Variants in CLASP2 observed in about 807,000 individuals in gnomAD.
The protein encoded by CLASP2 is CLIP-associating protein 2.
A neutral mutation model predicts 194.4 loss-of-function variants in CLASP2; 47 were observed. The ratio of observed to expected loss-of-function variants is 0.24; its 90% CI spans 0.19 to 0.31. The LOEUF (loss-of-function observed/expected upper bound fraction) is 0.31, where lower values mean the gene tolerates loss of function less well. CLASP2 is among the 10% of genes least tolerant of loss of function. The pLI is 1.00. For synonymous variants in CLASP2, 619 were observed against 633.5 expected, an observed-to-expected ratio of 0.98 and a Z score of 0.34; for missense variants, 1,445 against 1,823.6, an observed-to-expected ratio of 0.79 and a Z score of 3.78.
chr3:33,684,430 T>C lies in CLASP2; in HGVS notation c.573A>G (p.Ile191Met), dbSNP rs781397391. 45 of 1,601,646 alleles carry C rather than the reference T, an allele frequency of 2.8e-5. No homozygotes were observed. Among genetic ancestry groups the C allele is most frequent in the Non-Finnish European group, 3.8e-5 (45 of 1,173,268 alleles). ...CTCCCACATGTCTATAAATCTCCAC[T>C]ATAGCCAATATTGCAGCATCTCTCA... is the stretch of plus-strand genomic sequence containing the variant. ...SQVRDAAILA[I>M]VEIYRHVGEK... is the part of the protein sequence containing the mutation. The change falls in exon 6 of 39, where the codon ATA (isoleucine) becomes ATG (methionine). Residue 191 changes from isoleucine (I) to methionine (M), a missense_variant. Coordinates refer to ENST00000682230, the MANE Select transcript of CLASP2 (RefSeq NM_001365631.1).
At chr3:33,583,129 A>C (rs1203569839) in intron 22 of CLASP2, among the ~76,000 whole-genome samples, 1 of 152,234 alleles carries the variant, frequency 6.6e-6, no homozygotes, top group Admixed American at 6.5e-5. Flanking sequence ...GAATCTCAAG[A>C]AGATAGCTGA....
chr3:33,543,938 C>T (rs2058759965), intron 31 of CLASP2, among the ~76,000 whole-genome samples: 1 of 152,048 alleles, frequency 6.6e-6, no homozygotes, highest in East Asian at 1.9e-4. Flanking sequence ...TATGTCTATT[C>T]TTAAGATATG....
chr3:33,581,157 A>G (rs2066045202), intron 23 of CLASP2, among the ~76,000 whole-genome samples: 1 of 152,214 alleles, frequency 6.6e-6, no homozygotes, highest in Non-Finnish European at 1.5e-5. Context: ...CTCAATGTAC[A>G]TACAAAACTG....
chr3:33,539,979 G>A (rs913487398), intron 32 of CLASP2, among the ~76,000 whole-genome samples: 9 of 150,104 alleles, frequency 6.0e-5, no homozygotes, highest in Admixed American at 6.7e-5. Flanking sequence ...GTGCAATGGC[G>A]CAACCTTGGC....
chr3:33,579,123 G>A (rs1450223585), intron 23 of CLASP2, among the ~76,000 whole-genome samples: 1 of 152,152 alleles, frequency 6.6e-6, no homozygotes, highest in Non-Finnish European at 1.5e-5. Flanking sequence ...TTGCTATGCA[G>A]TACCCATATG....
intron 23 of CLASP2, among the ~76,000 whole-genome samples, chr3:33,579,763 GA>G (rs541244695): frequency 1.3e-5 from 2 of 152,120 alleles, no homozygotes; most frequent in Non-Finnish European, 2.9e-5. Flanking sequence ...TTGTTTTATA[GA>G]TGAGGAAACT....
intron 23 of CLASP2, among the ~76,000 whole-genome samples, chr3:33,579,408 T>C (rs921463951): frequency 2.0e-5 from 3 of 152,224 alleles, no homozygotes; most frequent in African/African-American, 2.4e-5. Flanking sequence ...TCTCTAACTA[T>C]TGTACAGGTT....
At chr3:33,684,993 C>G (rs2090428640) in intron 5 of CLASP2, among the ~76,000 whole-genome samples, 1 of 144,010 alleles carries the variant, frequency 6.9e-6, no homozygotes, top group African/African-American at 2.6e-5. Flanking sequence ...CAGAGCAAGA[C>G]TCCATCTCAA....
chr3:33,559,357 T>G lies in CLASP2; in HGVS notation c.2959A>C (p.Asn987His). 1 of 1,597,312 alleles carries G rather than the reference T, an allele frequency of 6.3e-7. No homozygotes were observed. Among genetic ancestry groups the G allele is most frequent in the South Asian group, 1.1e-5 (1 of 88,214 alleles). ...RESFPNDLQF[N>H]ILMRFTVDQT... ...TCAACTGTAAATCTCATTAGAATAT[T>G]GAACTGAAGATCATTTGGAAAAGAC... Residue 987 changes from asparagine to histidine, a missense_variant, in exon 29 of 39, where the codon AAT becomes CAT. Physicochemically the swap from Asn to His is moderately conservative, Grantham distance 68. Coordinates refer to ENST00000682230, the MANE Select transcript of CLASP2 (RefSeq NM_001365631.1).
chr3:33,619,660 G>A lies in CLASP2; in HGVS notation c.1260C>T (p.Pro420=). 1.3e-6 allele frequency: 2 copies of A among 1,558,814 alleles called. No individual in the cohort carries two copies. The highest frequency in any genetic ancestry group is 2.4e-5 in the South Asian group (2 of 84,332). ...AIVPTLFNLV[P]NSAKVMATSG... is the part of the protein sequence containing the mutation. ...AAGTTGCCATGACTTTTGCACTATT[G>A]GGGACGAGATTAAAAAGTGTAGGTA... Residue 420 remains proline (P), a synonymous_variant, in exon 12 of 39, where the codon CCC becomes CCT. Transcript: ENST00000682230.
At chr3:33,692,166 C>T (rs769899874) in intron 2 of CLASP2, among the ~76,000 whole-genome samples, 17 of 151,810 alleles carry the variant, frequency 1.1e-4, no homozygotes, top group Non-Finnish European at 2.1e-4. Context: ...AAGACAGTGT[C>T]TCAAAAAAAT....
chr3:33,602,564 C>T, intron 18 of CLASP2: 2 of 763,060 alleles, frequency 2.6e-6, no homozygotes, highest in East Asian at 2.4e-5. Context: ...TTGCAGTTCT[C>T]CCAGATCTCC....
At chr3:33,556,046 G>A (rs2060862620) in intron 29 of CLASP2, among the ~76,000 whole-genome samples, 1 of 152,176 alleles carries the variant, frequency 6.6e-6, no homozygotes. Context: ...AGCTGCTAAA[G>A]GATGTGAAAT....
intron 6 of CLASP2, among the ~76,000 whole-genome samples, chr3:33,679,200 T>A: frequency 6.6e-6 from 1 of 152,050 alleles, no homozygotes; most frequent in Non-Finnish European, 1.5e-5. Context: ...AAAACATGAA[T>A]CTAGATACAG....
chr3:33,550,836 G>T (rs1183399821), intron 30 of CLASP2, among the ~76,000 whole-genome samples: 1 of 152,098 alleles, frequency 6.6e-6, no homozygotes, highest in Non-Finnish European at 1.5e-5. Flanking sequence ...CCTTAGAAAG[G>T]ATACAGAAAG....
chr3:33,534,807 A>G (rs769641656), intron 34 of CLASP2, among the ~76,000 whole-genome samples: 5 of 152,172 alleles, frequency 3.3e-5, no homozygotes, highest in Non-Finnish European at 5.9e-5. Context: ...AACTTTCCTT[A>G]TATTTCGTCC....
chr3:33,547,922 G>A (rs989869112), intron 30 of CLASP2, among the ~76,000 whole-genome samples: 1 of 151,320 alleles, frequency 6.6e-6, no homozygotes, highest in South Asian at 2.1e-4. Context: ...CTGAGTAGCT[G>A]GGACTACAGG....
chr3:33,535,391 A>C lies in CLASP2; in HGVS notation c.3629T>G (p.Leu1210Arg). The change falls in exon 34 of 39, where the codon CTT (leucine) becomes CGT (arginine). Residue 1210 changes from leucine to arginine, a missense_variant. By Grantham distance (102) the Leu-to-Arg change is moderately radical. Transcript: ENST00000682230. The part of the protein sequence containing the change: ...GDATDSSQTA[L>R]DNKASLLHSM... The stretch of plus-strand genomic sequence containing the variant: ...ATGGAGCAATGAAGCTTTATTATCA[A>C]GAGCTGTTTGACTTGAGTCAGTAGC... 2 of 1,613,994 alleles carry C rather than the reference A, an allele frequency of 1.2e-6. No individual in the cohort carries two copies. Among genetic ancestry groups the C allele is most frequent in the African/African-American group, 1.3e-5 (1 of 75,058 alleles).
chr3:33,573,550 A>T, intron 24 of CLASP2, 196 bp from the exon 25 acceptor site: 1 of 653,788 alleles, frequency 1.5e-6, no homozygotes, highest in African/African-American at 1.8e-5. Flanking sequence ...AAGGTAAAAT[A>T]ATCCTTAACT....
Sources: allele counts gnomAD v4.1 joint callset (sites outside exome capture counted in the v4.1 genomes callset), GRCh38; gene constraint gnomAD v4.1.1; transcripts MANE v1.5; gene names NCBI Gene and HGNC (gene_info 2026-07-23, HGNC 2026-07-21).